The following NAE1 variants were observed in gnomAD, a reference collection of about 807,000 sequenced individuals.
NAE1 encodes NEDD8 activating enzyme E1 subunit 1.
NAE1 carries 59 observed loss-of-function variants against 88.0 expected under a neutral mutation model. That is an observed-to-expected ratio of 0.67 (90% CI 0.54 to 0.83). NAE1 has a LOEUF of 0.83. Among genes scored for constraint, NAE1 ranks in the 40% least tolerant of loss-of-function variants. The probability of loss-of-function intolerance (pLI) is 0.00; values close to 1 mark genes in which losing one functional copy is unlikely to be tolerated. For missense variants in NAE1, 554 were observed against 632.8 expected (o/e 0.88, Z 1.34); for synonymous variants, 186 against 208.9 (o/e 0.89, Z 0.95).
chr16:66,815,072 A>C (rs562890344), intron 11 of NAE1, among the ~76,000 whole-genome samples: 11 of 152,154 alleles, frequency 7.2e-5, no homozygotes, highest in Admixed American at 2.0e-4. Flanking sequence ...CCCTATGTAC[A>C]ATTGTCTCTC....
chr16:66,825,785 T>C (rs1960442176), intron 3 of NAE1, among the ~76,000 whole-genome samples: 3 of 152,142 alleles, frequency 2.0e-5, no homozygotes, highest in Non-Finnish European at 4.4e-5. Context: ...GGATGCCACT[T>C]TTCGGTATAA....
chr16:66,805,656 G>T (rs1348463788), intron 19 of NAE1, 121 bp downstream of exon 19: 11 of 774,380 alleles, frequency 1.4e-5, no homozygotes, highest in South Asian at 1.2e-4. Context: ...AAAAAAGAAA[G>T]AAATATAACA....
intron 15 of NAE1, 113 bp from the exon 16 acceptor site, chr16:66,809,188 T>G: frequency 1.1e-5 from 7 of 644,714 alleles, no homozygotes; most frequent in Non-Finnish European, 1.8e-5. Context: ...GACATGAGAA[T>G]GTGAAGAAAT....
intron 7 of NAE1, among the ~76,000 whole-genome samples, chr16:66,819,055 G>A (rs1428602008): frequency 6.6e-6 from 1 of 152,134 alleles, no homozygotes; most frequent in Admixed American, 6.5e-5. Context: ...TGGACACAGG[G>A]CCCACAGGTT....
At position 66,813,660 on chromosome 16, in the gene NAE1, T is replaced by G; in HGVS notation, c.938A>C (p.Glu313Ala). 1 of 1,614,062 alleles carries G rather than the reference T, an allele frequency of 6.2e-7. No homozygotes were observed. The highest frequency in any genetic ancestry group is 8.5e-7 in the Non-Finnish European group (1 of 1,179,948). ...TCCTTGACCCTCTTTGGCCACAAAT[T>G]CCTTTAAGGCACGAGCTAAAATCCA... ...SFWILARALK[E>A]FVAKEGQGNL... The change falls in exon 13 of 20, where the codon GAA (glutamate) becomes GCA (alanine). Residue 313 changes from glutamate to alanine, a missense_variant. Coordinates refer to ENST00000290810, the MANE Select transcript of NAE1 (RefSeq NM_003905.4).
chr16:66,820,624 G>A (rs756705586), intron 7 of NAE1, among the ~76,000 whole-genome samples: 3 of 151,508 alleles, frequency 2.0e-5, no homozygotes, highest in South Asian at 2.1e-4. Flanking sequence ...CTGGGCGGCC[G>A]GGTGCGGTGG....
intron 1 of NAE1, among the ~76,000 whole-genome samples, chr16:66,830,003 A>G (rs79953348): frequency 6.0e-4 from 91 of 152,322 alleles, no homozygotes; most frequent in African/African-American, 1.8e-3. Context: ...CTCCAGCCTC[A>G]GCCTCCAGAG....
At chr16:66,822,828 C>T (rs438863) in intron 6 of NAE1, among the ~76,000 whole-genome samples, 46,164 of 149,314 alleles carry the variant, frequency 0.31, 8,388 homozygotes, top group East Asian at 0.6. Context: ...AGCCACCACG[C>T]CCAGCTAATT....
intron 17 of NAE1, 165 bp from the exon 18 acceptor site, chr16:66,806,191 A>C: frequency 2.8e-6 from 2 of 718,978 alleles, no homozygotes; most frequent in Non-Finnish European, 4.1e-6. Flanking sequence ...CAAACCTATA[A>C]TCAGAGACCA....
intron 3 of NAE1, among the ~76,000 whole-genome samples, chr16:66,825,254 T>C (rs1960420341): frequency 6.6e-6 from 1 of 152,110 alleles, no homozygotes; most frequent in African/African-American, 2.4e-5. Context: ...GAGACCATCC[T>C]GGCTAATACA....
intron 6 of NAE1, among the ~76,000 whole-genome samples, chr16:66,822,067 A>G (rs1168266718): frequency 6.6e-6 from 1 of 152,124 alleles, no homozygotes. Context: ...AGGTTTTGCC[A>G]TGTTGCCCAG....
At chr16:66,810,266 C>A in intron 15 of NAE1, 108 bp downstream of exon 15, 1 of 854,364 alleles carries the variant, frequency 1.2e-6, no homozygotes, top group Non-Finnish European at 1.9e-6. Flanking sequence ...ATCTATATCA[C>A]TGAGGCCATG....
chr16:66,817,088 A>T, intron 9 of NAE1, 60 bp from the exon 10 acceptor site: 1 of 1,535,068 alleles, frequency 6.5e-7, no homozygotes, highest in Non-Finnish European at 8.7e-7. Context: ...AGAAATTGAA[A>T]GTCTAAAGTG....
chr16:66,817,338 T>C (rs1960087677), intron 9 of NAE1, 87 bp downstream of exon 9: 5 of 1,137,930 alleles, frequency 4.4e-6, no homozygotes, highest in Non-Finnish European at 6.5e-6. Context: ...GGAAAAAAAA[T>C]TAATCTCCCA....
chr16:66,820,426 G>A (rs61029762), intron 7 of NAE1, among the ~76,000 whole-genome samples: 1 of 152,154 alleles, frequency 6.6e-6, no homozygotes, highest in African/African-American at 2.4e-5. Flanking sequence ...AATTGCACCT[G>A]AATTGAGAGA....
chr16:66,807,521 T>C (rs1959613041), intron 17 of NAE1, among the ~76,000 whole-genome samples: 1 of 151,974 alleles, frequency 6.6e-6, no homozygotes, highest in African/African-American at 2.4e-5. Context: ...GCGCCTATAG[T>C]CCCAGCTACT....
At chr16:66,804,912 C>G (rs1959502518) in intron 19 of NAE1, among the ~76,000 whole-genome samples, 1 of 152,050 alleles carries the variant, frequency 6.6e-6, no homozygotes, top group South Asian at 2.1e-4. Flanking sequence ...TGATCCCAGA[C>G]TTCTAGCCTC....
At chr16:66,824,371 T>C (rs1887912078) in intron 4 of NAE1, 1 of 152,478 alleles carries the variant, frequency 6.6e-6, no homozygotes, top group Non-Finnish European at 1.5e-5. Flanking sequence ...AGCGGGTGGA[T>C]CACAAGGTCA....
chr16:66,807,446 C>G (rs1959609699), intron 17 of NAE1, among the ~76,000 whole-genome samples: 1 of 152,008 alleles, frequency 6.6e-6, no homozygotes, highest in African/African-American at 2.4e-5. Context: ...TCGAGACCAG[C>G]CTGGCCAACA....
Sources: gnomAD v4.1 joint callset for allele counts (sites outside exome capture counted in the v4.1 genomes callset) on GRCh38, gnomAD v4.1.1 for gene constraint, MANE v1.5 for transcripts, NCBI Gene and HGNC (gene_info 2026-07-23, HGNC 2026-07-21) for gene names.